The following GRAMD2B variants were observed in gnomAD, a reference collection of about 807,000 sequenced individuals.
The protein encoded by GRAMD2B is GRAM domain-containing protein 2B.
Under a neutral mutation model 59.2 loss-of-function variants are expected in GRAMD2B, and 41 were observed. The observed-to-expected ratio is 0.69, with a 90% CI of 0.54 to 0.90. GRAMD2B has a LOEUF of 0.90. Among genes scored for constraint, GRAMD2B ranks in the 40% least tolerant of loss-of-function variants. The pLI is 0.00. For missense variants in GRAMD2B, 424 were observed against 500.5 expected, an observed-to-expected ratio of 0.85 and a Z score of 1.46; for synonymous variants, 161 against 182.7, an observed-to-expected ratio of 0.88 and a Z score of 0.96.
chr5:126,404,102 T>C (rs572996180), intron 1 of GRAMD2B, among the ~76,000 whole-genome samples: 89 of 152,016 alleles, frequency 5.9e-4, no homozygotes, highest in African/African-American at 2.0e-3. Flanking sequence ...GCTATGGAAA[T>C]GCTAATGTTA....
intron 1 of GRAMD2B, among the ~76,000 whole-genome samples, chr5:126,385,326 G>T (rs919209155): frequency 6.6e-6 from 1 of 152,138 alleles, no homozygotes; most frequent in Non-Finnish European, 1.5e-5. Flanking sequence ...TCTTGCAACT[G>T]GGAAAAGAGA....
intron 1 of GRAMD2B, among the ~76,000 whole-genome samples, chr5:126,429,736 C>T (rs764982068): frequency 2.6e-5 from 4 of 152,148 alleles, no homozygotes; most frequent in Non-Finnish European, 5.9e-5. Context: ...CAGTAGCCTG[C>T]AACAATGTTC....
At chr5:126,472,405 G>C in intron 4 of GRAMD2B, 101 bp downstream of exon 4, 1 of 828,750 alleles carries the variant, frequency 1.2e-6, no homozygotes, top group South Asian at 1.5e-5. Flanking sequence ...GAGTCACCAA[G>C]GGGATCAGGT....
intron 6 of GRAMD2B, 52 bp downstream of exon 6, chr5:126,477,839 C>G (rs766216846): frequency 9.5e-7 from 1 of 1,049,280 alleles, no homozygotes; most frequent in Non-Finnish European, 1.5e-6. Context: ...CTGCTCTGGG[C>G]TCTGCTGCCT....
intron 1 of GRAMD2B, chr5:126,360,585 A>T: frequency 1.1e-6 from 1 of 912,774 alleles, no homozygotes; most frequent in Non-Finnish European, 1.6e-6. Context: ...TTGATTGCCC[A>T]CTGGGGGAGT....
chr5:126,439,156 C>G (rs990432227), intron 1 of GRAMD2B, among the ~76,000 whole-genome samples: 9 of 151,982 alleles, frequency 5.9e-5, no homozygotes, highest in African/African-American at 2.2e-4. Context: ...TGGCAAAGTC[C>G]TCAAGAAAGA....
chr5:126,379,351 T>C (rs1416206494), intron 1 of GRAMD2B, among the ~76,000 whole-genome samples: 2 of 152,216 alleles, frequency 1.3e-5, no homozygotes, highest in Admixed American at 1.3e-4. Context: ...TTGTGAATTG[T>C]GTTGCTATAA....
At chr5:126,465,743 A>G (rs1392544438) in intron 2 of GRAMD2B, among the ~76,000 whole-genome samples, 198 bp downstream of exon 2, 1 of 152,314 alleles carries the variant, frequency 6.6e-6, no homozygotes, top group Middle Eastern at 3.4e-3. Flanking sequence ...TCAGCAGAGC[A>G]TCTGCACCTT....
At chr5:126,432,932 G>C (rs1032166287) in intron 1 of GRAMD2B, among the ~76,000 whole-genome samples, 4 of 152,188 alleles carry the variant, frequency 2.6e-5, no homozygotes, top group African/African-American at 9.7e-5. Flanking sequence ...AGCAGTATTT[G>C]ACAGTTGATG....
intron 1 of GRAMD2B, among the ~76,000 whole-genome samples, chr5:126,456,614 T>C (rs1766325507): frequency 6.6e-6 from 1 of 152,310 alleles, no homozygotes; most frequent in African/African-American, 2.4e-5. Flanking sequence ...ACCTTATCTC[T>C]CAACTTCCTG....
At chr5:126,423,752 C>T in intron 1 of GRAMD2B, 63 bp downstream of exon 1, 2 of 1,495,394 alleles carry the variant, frequency 1.3e-6, no homozygotes, top group Non-Finnish European at 1.8e-6. Flanking sequence ...AACTTCTCTG[C>T]CCCGGGACGC....
chr5:126,412,738 C>T (rs925409373), intron 1 of GRAMD2B, among the ~76,000 whole-genome samples: 2 of 151,950 alleles, frequency 1.3e-5, no homozygotes, highest in African/African-American at 4.8e-5. Context: ...CCATCTGATC[C>T]AGGGCTTTCT....
chr5:126,484,957 A>G (rs1561608209), intron 10 of GRAMD2B, among the ~76,000 whole-genome samples: 1 of 152,156 alleles, frequency 6.6e-6, no homozygotes, highest in Admixed American at 6.5e-5. Flanking sequence ...AGGTCTTTGC[A>G]TATTAATTCA....
At chr5:126,465,890 T>C (rs958934156) in intron 2 of GRAMD2B, among the ~76,000 whole-genome samples, 4 of 152,156 alleles carry the variant, frequency 2.6e-5, no homozygotes, top group African/African-American at 7.2e-5. Flanking sequence ...CTCACTTTCC[T>C]AGGGGCCGTG....
At chr5:126,395,343 T>A (rs796174276) in intron 1 of GRAMD2B, among the ~76,000 whole-genome samples, 2 of 152,316 alleles carry the variant, frequency 1.3e-5, no homozygotes, top group African/African-American at 4.8e-5. Flanking sequence ...ATCGCTTTAA[T>A]CTGAATTAAA....
Position 126,459,230 on chromosome 5 carries a change from A to G in GRAMD2B, c.84-6196A>G, listed in dbSNP as rs73336242. 2.0e-3 allele frequency among the ~76,000 whole-genome samples: 301 copies of G among 152,306 alleles called. 1 individual carries two copies. The highest frequency in any genetic ancestry group is 7.0e-3 in the African/African-American group (289 of 41,572). On this transcript the variant is annotated intron_variant, in intron 1 of 13. Coordinates refer to ENST00000285689, the MANE Select transcript of GRAMD2B (RefSeq NM_023927.4). ...TAATAAATCTATCGACAACAAAACT[A>G]GTTGTCATTAATATTTTATTTTAAT...
At chr5:126,434,040 TA>T (rs1762007456) in intron 1 of GRAMD2B, 2 of 152,210 alleles carry the variant, frequency 1.3e-5, no homozygotes, top group African/African-American at 4.8e-5. Flanking sequence ...AAGAATAGTT[TA>T]AATATCTTTA....
At chr5:126,432,559 C>T (rs73783699) in intron 1 of GRAMD2B, among the ~76,000 whole-genome samples, 29,422 of 152,074 alleles carry the variant, frequency 0.19, 3,037 homozygotes, top group Non-Finnish European at 0.24. Flanking sequence ...TTTATTATCA[C>T]TACATTGTTT....
intron 1 of GRAMD2B, among the ~76,000 whole-genome samples, chr5:126,460,169 C>T (rs989881846): frequency 5.3e-5 from 8 of 152,150 alleles, no homozygotes; most frequent in Non-Finnish European, 1.2e-4. Flanking sequence ...AGCATGCTGT[C>T]TATCATTTGT....
Sources: allele counts gnomAD v4.1 joint callset (sites outside exome capture counted in the v4.1 genomes callset), GRCh38; gene constraint gnomAD v4.1.1; transcripts MANE v1.5; gene names NCBI Gene and HGNC (gene_info 2026-07-23, HGNC 2026-07-21).